Variants in DLGAP2 observed in about 807,000 individuals in gnomAD.
The protein encoded by DLGAP2 is DLG associated protein 2.
DLGAP2 carries 26 observed loss-of-function variants against 100.3 expected under a neutral mutation model. That is an observed-to-expected ratio of 0.26 (90% confidence interval 0.19 to 0.36). The LOEUF (loss-of-function observed/expected upper bound fraction) is 0.36, where lower values mean the gene tolerates loss of function less well. DLGAP2 is among the 10% of genes least tolerant of loss of function. The probability of loss-of-function intolerance (pLI) is 1.00; values close to 1 mark genes in which losing one functional copy is unlikely to be tolerated. For synonymous variants in DLGAP2, 886 were observed against 630.1 expected, an observed-to-expected ratio of 1.41 and a Z score of -6.08; for missense variants, 1,858 against 1,453.2, an observed-to-expected ratio of 1.28 and a Z score of -4.53.
chr8:1,651,493 G>A (rs1167043966), intron 8 of DLGAP2, among the ~76,000 whole-genome samples: 1 of 152,188 alleles, frequency 6.6e-6, no homozygotes, highest in Non-Finnish European at 1.5e-5. Context: ...CATAGGCTGA[G>A]ATCCTCAACT....
intron 5 of DLGAP2, among the ~76,000 whole-genome samples, chr8:1,557,197 C>T (rs1801994431): frequency 6.6e-6 from 1 of 152,190 alleles, no homozygotes; most frequent in Non-Finnish European, 1.5e-5. Flanking sequence ...GCAGAATTAC[C>T]TGGTTGGGAA....
rs1799735271 is a variant in DLGAP2 at position 1,707,352 on chromosome 8, A to C, written c.*5946A>C. 6.6e-6 allele frequency: 1 copy of C among 152,206 alleles called. No homozygotes were observed. Among genetic ancestry groups the C allele is most frequent in the African/African-American group, 2.4e-5 (1 of 41,436 alleles). 9.4% of individuals were successfully genotyped at this position (152,206 alleles called of 1,614,324 possible). The stretch of plus-strand genomic sequence containing the variant: ...TGGCTTGTGTCTGCCAGTACGACAA[A>C]GGACGCTCCCAGCTTGATCGTGGTA... On this transcript the variant is annotated 3_prime_UTR_variant, in exon 15 of 15. Transcript: ENST00000637795.
chr8:1,444,148 C>T (rs955763363), intron 3 of DLGAP2, among the ~76,000 whole-genome samples: 8 of 152,002 alleles, frequency 5.3e-5, no homozygotes, highest in Admixed American at 1.3e-4. Context: ...TGCAGTGGCG[C>T]GATCATAGCT....
intron 3 of DLGAP2, among the ~76,000 whole-genome samples, chr8:1,441,412 G>A (rs778150440): frequency 2.0e-5 from 3 of 152,058 alleles, no homozygotes; most frequent in Non-Finnish European, 2.9e-5. Flanking sequence ...GAACTTGGCC[G>A]GGCATGGTGG....
At chr8:761,153 C>T (rs928002236) in intron 1 of DLGAP2, among the ~76,000 whole-genome samples, 1 of 152,182 alleles carries the variant, frequency 6.6e-6, no homozygotes, top group African/African-American at 2.4e-5. Context: ...TGTCTCAATC[C>T]TGGCTTGGGG....
At chr8:877,264 C>G (rs1254274811) in intron 1 of DLGAP2, among the ~76,000 whole-genome samples, 1 of 152,138 alleles carries the variant, frequency 6.6e-6, no homozygotes. Context: ...ACAGTTCTTG[C>G]CAGTGATAGT....
chr8:1,365,608 T>C (rs1324278784), intron 3 of DLGAP2, among the ~76,000 whole-genome samples: 1 of 152,178 alleles, frequency 6.6e-6, no homozygotes, highest in African/African-American at 2.4e-5. Context: ...TACCTGGATG[T>C]CCTCTAGCTA....
rs187197882 is a variant in DLGAP2 at position 913,910 on chromosome 8, C to T, written c.73+5944C>T. 2.4e-4 allele frequency among the ~76,000 whole-genome samples: 36 copies of T among 152,318 alleles called. No homozygotes were observed. The South Asian group carries it at 4.1e-3, about 18-fold the overall frequency. On this transcript the variant is annotated intron_variant, in intron 2 of 14. Coordinates refer to ENST00000637795, the MANE Select transcript of DLGAP2 (RefSeq NM_001346810.2). ...ATGGGGAGGCTGTGGGCACGGCCCC[C>T]GGAGCCCCGGGACTGAGACATGCAG...
At chr8:990,152 C>A (rs893372806) in intron 2 of DLGAP2, among the ~76,000 whole-genome samples, 2 of 151,950 alleles carry the variant, frequency 1.3e-5, no homozygotes, top group East Asian at 3.9e-4. Flanking sequence ...TGAGCTCCAT[C>A]CATGGTGTTG....
chr8:1,250,057 T>A (rs1362380154), intron 2 of DLGAP2, among the ~76,000 whole-genome samples: 2 of 152,050 alleles, frequency 1.3e-5, no homozygotes, highest in South Asian at 4.2e-4. Flanking sequence ...ATTTTTGTAT[T>A]TTTAGTAGAG....
At chr8:748,248 G>A (rs952056077) in intron 1 of DLGAP2, among the ~76,000 whole-genome samples, 6 of 150,324 alleles carry the variant, frequency 4.0e-5, no homozygotes, top group Admixed American at 3.3e-4. Context: ...GCGGGTCTGC[G>A]GTGGGATGGG....
intron 2 of DLGAP2, among the ~76,000 whole-genome samples, chr8:989,363 T>C (rs1297830745): frequency 2.0e-5 from 3 of 152,200 alleles, no homozygotes; most frequent in African/African-American, 7.2e-5. Flanking sequence ...TTTTTATGCC[T>C]GACACCTTAT....
chr8:938,455 G>A (rs906468842), intron 2 of DLGAP2, among the ~76,000 whole-genome samples: 1 of 152,200 alleles, frequency 6.6e-6, no homozygotes, highest in Non-Finnish European at 1.5e-5. Flanking sequence ...CGGAGGTGAA[G>A]AAGAAAGACC....
At chr8:910,832 T>C (rs529152440) in intron 2 of DLGAP2, among the ~76,000 whole-genome samples, 1 of 152,068 alleles carries the variant, frequency 6.6e-6, no homozygotes, top group Non-Finnish European at 1.5e-5. Flanking sequence ...AGCACCTTTT[T>C]TTTGGTTAGC....
chr8:1,445,047 G>A (rs1471675297), intron 3 of DLGAP2, among the ~76,000 whole-genome samples: 3 of 149,320 alleles, frequency 2.0e-5, no homozygotes, highest in African/African-American at 7.4e-5. Context: ...TGGGATTACA[G>A]GCATGAGCCA....
At chr8:1,139,018 C>T (rs1277310504) in intron 2 of DLGAP2, among the ~76,000 whole-genome samples, 1 of 152,278 alleles carries the variant, frequency 6.6e-6, no homozygotes, top group Non-Finnish European at 1.5e-5. Context: ...CCTCAGCCCC[C>T]TGGCTGGTTA....
At chr8:1,209,559 A>C (rs570110200) in intron 2 of DLGAP2, among the ~76,000 whole-genome samples, 9 of 152,182 alleles carry the variant, frequency 5.9e-5, no homozygotes, top group South Asian at 2.1e-4. Context: ...CTACTCTAAT[A>C]AATTCCTATG....
intron 3 of DLGAP2, among the ~76,000 whole-genome samples, chr8:1,426,869 A>G (rs931586777): frequency 6.6e-6 from 1 of 151,482 alleles, no homozygotes; most frequent in African/African-American, 2.4e-5. Context: ...ATTCTACCTG[A>G]AAGATTACTC....
chr8:905,418 C>T (rs1412348361), intron 1 of DLGAP2, among the ~76,000 whole-genome samples: 1 of 152,148 alleles, frequency 6.6e-6, no homozygotes, highest in Non-Finnish European at 1.5e-5. Flanking sequence ...ATTCGTCATA[C>T]CATGCGTCTG....
Sources: gnomAD v4.1 joint callset for allele counts (sites outside exome capture counted in the v4.1 genomes callset) on GRCh38, gnomAD v4.1.1 for gene constraint, MANE v1.5 for transcripts, NCBI Gene and HGNC (gene_info 2026-07-23, HGNC 2026-07-21) for gene names.